ME1: variants seen among roughly 807,000 people sequenced by gnomAD.
The protein encoded by ME1 is NADP-dependent malic enzyme.
A neutral mutation model predicts 66.4 loss-of-function variants in ME1; 74 were observed. That is an observed-to-expected ratio of 1.11 (90% confidence interval 0.92 to 1.35). The LOEUF (loss-of-function observed/expected upper bound fraction) is 1.35, where lower values mean the gene tolerates loss of function less well. Among genes scored for constraint, ME1 ranks in the 40% most tolerant of loss-of-function variants. The probability of loss-of-function intolerance (pLI) is 0.00; values close to 1 mark genes in which losing one functional copy is unlikely to be tolerated. For synonymous variants in ME1, 251 were observed against 235.6 expected (o/e 1.07, Z -0.60); for missense variants, 750 against 694.1 (o/e 1.08, Z -0.90).
intron 5 of ME1, among the ~76,000 whole-genome samples, chr6:83,342,084 T>G (rs2128543223): frequency 6.6e-6 from 1 of 152,224 alleles, no homozygotes; most frequent in Non-Finnish European, 1.5e-5. Flanking sequence ...GTAACTTCAC[T>G]TCAGCCTCTG....
chr6:83,376,918 G>C (rs577272916), intron 3 of ME1, among the ~76,000 whole-genome samples: 13 of 151,914 alleles, frequency 8.6e-5, no homozygotes, highest in Admixed American at 1.3e-4. Context: ...TTGATAAAGA[G>C]GACTGTTTGG....
At chr6:83,333,647 GCATTT>G (rs1768461022) in intron 5 of ME1, among the ~76,000 whole-genome samples, 1 of 152,068 alleles carries the variant, frequency 6.6e-6, no homozygotes, top group Non-Finnish European at 1.5e-5. Context: ...ATATGTTGGA[GCATTT>G]CTATCTATTT....
intron 5 of ME1, among the ~76,000 whole-genome samples, chr6:83,341,710 G>A (rs1768588981): frequency 6.6e-6 from 1 of 152,084 alleles, no homozygotes; most frequent in Non-Finnish European, 1.5e-5. Context: ...CTGGAGGCGG[G>A]GAATCTAAGG....
At chr6:83,253,094 A>G (rs1353516049) in intron 7 of ME1, among the ~76,000 whole-genome samples, 1 of 152,120 alleles carries the variant, frequency 6.6e-6, no homozygotes, top group Non-Finnish European at 1.5e-5. Context: ...AGATTCTCAT[A>G]GTAAGACATG....
At chr6:83,277,192 T>C (rs771677086) in intron 6 of ME1, among the ~76,000 whole-genome samples, 2 of 152,224 alleles carry the variant, frequency 1.3e-5, no homozygotes, top group Non-Finnish European at 2.9e-5. Flanking sequence ...CAAGCCTGGG[T>C]ACTTACATAT....
intron 6 of ME1, among the ~76,000 whole-genome samples, chr6:83,300,234 C>T (rs1367695507): frequency 5.9e-5 from 9 of 151,788 alleles, no homozygotes; most frequent in African/African-American, 1.9e-4. Flanking sequence ...CCATATACAA[C>T]AATCATCTTA....
intron 6 of ME1, among the ~76,000 whole-genome samples, chr6:83,302,293 G>A (rs1195048048): frequency 2.0e-5 from 3 of 152,036 alleles, no homozygotes; most frequent in Non-Finnish European, 4.4e-5. Context: ...AGACACTGCA[G>A]CTTACTTAGA....
chr6:83,403,110 T>C (rs1225984761), intron 2 of ME1, among the ~76,000 whole-genome samples: 2 of 152,150 alleles, frequency 1.3e-5, no homozygotes, highest in African/African-American at 2.4e-5. Context: ...TCGACGAGAG[T>C]AAACATCACC....
At chr6:83,407,634 G>T in intron 2 of ME1, 134 bp downstream of exon 2, 1 of 873,852 alleles carries the variant, frequency 1.1e-6, no homozygotes, top group South Asian at 2.3e-5. Flanking sequence ...ACATCATTGT[G>T]TTTACAGGAA....
chr6:83,366,018 G>A (rs1442656412), intron 3 of ME1, among the ~76,000 whole-genome samples: 2 of 152,114 alleles, frequency 1.3e-5, no homozygotes, highest in African/African-American at 4.8e-5. Context: ...CTAATGAACA[G>A]TGACCGCCTA....
At chr6:83,244,603 T>A (rs1180208) in intron 7 of ME1, among the ~76,000 whole-genome samples, 64,008 of 151,838 alleles carry the variant, frequency 0.42, 13,809 homozygotes, top group Middle Eastern at 0.55. Flanking sequence ...ATTAGGAGGT[T>A]CAATTTTGAG....
intron 9 of ME1, among the ~76,000 whole-genome samples, chr6:83,237,275 GA>G (rs1562455258): frequency 9.5e-5 from 6 of 63,248 alleles, no homozygotes; most frequent in Middle Eastern, 0.011. Flanking sequence ...AAGAAAGAAA[GA>G]AAGGAAGGAA....
At position 83,238,060 on chromosome 6, in the gene ME1, C is replaced by T. The variant is rs917776515; in HGVS notation, c.913-230G>A. Among the ~76,000 whole-genome samples, 8 of 152,106 alleles carry T rather than the reference C, an allele frequency of 5.3e-5. No homozygotes were observed. The East Asian group carries it at 1.5e-3, about 29-fold the overall frequency. Reference sequence around the variant, plus strand: ...ATCCTTGATTGTCAGTGTATTTAATCCTGTTAATACAACCAAGATTTGCTC... The same window carrying T: ...ATCCTTGATTGTCAGTGTATTTAATTCTGTTAATACAACCAAGATTTGCTC... On this transcript the variant is annotated intron_variant, in intron 8 of 13. Coordinates refer to ENST00000369705, the MANE Select transcript of ME1 (RefSeq NM_002395.6).
intron 3 of ME1, among the ~76,000 whole-genome samples, chr6:83,365,238 T>A (rs1769081487): frequency 6.6e-6 from 1 of 152,038 alleles, no homozygotes; most frequent in Non-Finnish European, 1.5e-5. Flanking sequence ...GATTATAGGC[T>A]TCTGCCACCA....
chr6:83,216,081 C>T (rs867166181), intron 13 of ME1, among the ~76,000 whole-genome samples: 4 of 152,244 alleles, frequency 2.6e-5, no homozygotes, highest in African/African-American at 9.6e-5. Context: ...ATTTATGATG[C>T]CACACATCAT....
chr6:83,425,272 G>A (rs1770347932), intron 1 of ME1, among the ~76,000 whole-genome samples: 2 of 152,020 alleles, frequency 1.3e-5, no homozygotes, highest in South Asian at 4.2e-4. Flanking sequence ...CTCACATCTG[G>A]CATTACAGGT....
rs1169707720 is a variant in ME1, at chr6:83,274,146, G to A, written c.705-20408C>T. ...AATAATATGAAACTATTTTATGCTTGCTACCTGATTTTTAAAATTTCCATT... is the reference window on the plus strand; with the variant it reads ...AATAATATGAAACTATTTTATGCTTACTACCTGATTTTTAAAATTTCCATT... On this transcript the variant is annotated intron_variant, in intron 6 of 13. Transcript: ENST00000369705. 3.3e-5 allele frequency among the ~76,000 whole-genome samples: 5 copies of A among 152,220 alleles called. No individual in the cohort carries two copies. The East Asian group carries it at 9.6e-4, about 29-fold the overall frequency.
intron 3 of ME1, among the ~76,000 whole-genome samples, chr6:83,362,681 C>A (rs1188648331): frequency 6.6e-6 from 1 of 152,208 alleles, no homozygotes; most frequent in African/African-American, 2.4e-5. Context: ...TATATTGGAC[C>A]TCTTCCATCA....
chr6:83,291,212 C>T (rs1170352), intron 6 of ME1, among the ~76,000 whole-genome samples: 52,810 of 152,042 alleles, frequency 0.35, 9,397 homozygotes, highest in Middle Eastern at 0.49. Context: ...TTCTTCTTAG[C>T]ATTGATGGTC....
Sources: gnomAD v4.1 joint callset for allele counts (sites outside exome capture counted in the v4.1 genomes callset) on GRCh38, gnomAD v4.1.1 for gene constraint, MANE v1.5 for transcripts, NCBI Gene and HGNC (gene_info 2026-07-23, HGNC 2026-07-21) for gene names.